Variants in XRCC3 observed in about 807,000 individuals in gnomAD.
XRCC3 encodes the protein DNA repair protein XRCC3.
In XRCC3, 34 loss-of-function variants were observed where a neutral mutation model predicts 29.2. That is an observed-to-expected ratio of 1.16 (90% CI 0.88 to 1.55). The LOEUF (loss-of-function observed/expected upper bound fraction) is 1.55, where lower values mean the gene tolerates loss of function less well. XRCC3 is among the 40% of genes most tolerant of loss of function. The probability of loss-of-function intolerance (pLI) is 0.00; values close to 1 mark genes in which losing one functional copy is unlikely to be tolerated. For synonymous variants in XRCC3, 223 were observed against 211.3 expected (o/e 1.06, Z -0.48); for missense variants, 463 against 467.6 (o/e 0.99, Z 0.09).
chr14:103,705,864 C>A, intron 6 of XRCC3: 1 of 169,080 alleles, frequency 5.9e-6, no homozygotes, highest in Non-Finnish European at 1.3e-5. Flanking sequence ...GCTCCCGTCC[C>A]GTTCCTGAGC....
chr14:103,707,844 T>G, intron 5 of XRCC3: 1 of 187,814 alleles, frequency 5.3e-6, no homozygotes, highest in Admixed American at 5.4e-5. Flanking sequence ...GCCCCTCCCT[T>G]GGAGTCTGCA....
chr14:103,706,645 G>A (rs2083447165), intron 6 of XRCC3: 1 of 397,310 alleles, frequency 2.5e-6, no homozygotes, highest in African/African-American at 2.1e-5. Flanking sequence ...CCCGGGGAAA[G>A]GCTGTGCTGC....
chr14:103,707,501 C>T (rs1340931431), intron 5 of XRCC3: 5 of 530,124 alleles, frequency 9.4e-6, no homozygotes, highest in African/African-American at 1.9e-5. Context: ...TCAGCCAAAG[C>T]TTCCAGAGAG....
In XRCC3 at chr14:103,698,380, G is replaced by A. The variant is rs1159001364; in HGVS notation, c.*418C>T. 14 of 249,732 alleles carry A rather than the reference G, an allele frequency of 5.6e-5. No homozygotes were observed. The highest frequency in any genetic ancestry group is 1.1e-4 in the African/African-American group (5 of 44,200). 15.5% of individuals were successfully genotyped at this position (249,732 alleles called of 1,614,324 possible). Reference sequence around the variant, plus strand: ...CAGGAGGGGAGACCCTCGTGGGCACGGTCCCAAGGCTGAGGGGGTCTGAGG... The same window carrying A: ...CAGGAGGGGAGACCCTCGTGGGCACAGTCCCAAGGCTGAGGGGGTCTGAGG... On this transcript the variant is annotated 3_prime_UTR_variant, in exon 10 of 10. Coordinates refer to ENST00000555055, the MANE Select transcript of XRCC3 (RefSeq NM_005432.4).
Position 103,703,276 on chromosome 14 carries a change from T to C in XRCC3, c.458A>G (p.Gln153Arg), listed in dbSNP as rs1473055112. Residue 153 changes from glutamine to arginine, a missense_variant, in exon 7 of 10, where the codon CAG (glutamine) becomes CGG (arginine). Physicochemically the swap from Gln to Arg is conservative, Grantham distance 43. Coordinates refer to ENST00000555055, the MANE Select transcript of XRCC3 (RefSeq NM_005432.4). ...EDAFPHKRLQ[Q>R]LMAQQPRLRT... ...CAGCCGCGGCTGCTGGGCCATGAGC[T>C]GCTGCAGGCGCTTGTGCGGGAAGGC... 4 of 1,558,916 alleles carry C rather than the reference T, an allele frequency of 2.6e-6. No individual in the cohort carries two copies. In the African/African-American group the frequency reaches 5.4e-5, roughly 21 times the overall value.
chr14:103,711,775 C>A (rs1406526301), intron 2 of XRCC3: 1 of 450,670 alleles, frequency 2.2e-6, no homozygotes. Flanking sequence ...CAGCTCTTCT[C>A]CCCTCCGGCC....
chr14:103,700,765 C>T (rs367611166), intron 7 of XRCC3: 8 of 1,505,888 alleles, frequency 5.3e-6, no homozygotes, highest in Non-Finnish European at 6.3e-6. Context: ...AAGCAGGCAG[C>T]TGGGCCAGGG....
intron 5 of XRCC3, chr14:103,708,097 T>C: frequency 9.3e-6 from 3 of 322,722 alleles, no homozygotes; most frequent in Non-Finnish European, 1.8e-5. Flanking sequence ...ACCTTGTCCG[T>C]CCAGGCGCAT....
intron 7 of XRCC3, 37 bp from the exon 8 acceptor site, chr14:103,699,613 A>C: frequency 1.2e-6 from 2 of 1,607,556 alleles, no homozygotes; most frequent in Non-Finnish European, 1.7e-6. Context: ...GCTGGTCAGC[A>C]AGTCCCCGCC....
In XRCC3 at chr14:103,708,768, G is replaced by A. The variant is rs552887296; in HGVS notation, c.56-109C>T. 196 of 1,432,934 alleles carry A rather than the reference G, an allele frequency of 1.4e-4. No homozygotes were observed. The African/African-American group carries it at 1.5e-3, about 11-fold the overall frequency. 88.8% of individuals were successfully genotyped at this position (1,432,934 alleles called of 1,614,324 possible). Reference sequence around the variant, plus strand: ...AGCACTGTGAGAGCACCGTGCTTCCGATTCTGGGGACAAGGTGGGTAGGGA... The same window carrying A: ...AGCACTGTGAGAGCACCGTGCTTCCAATTCTGGGGACAAGGTGGGTAGGGA... On this transcript the variant is annotated intron_variant, in intron 4 of 9. Coordinates refer to ENST00000555055, the MANE Select transcript of XRCC3 (RefSeq NM_005432.4).
intron 5 of XRCC3, chr14:103,707,558 C>T (rs2083478534): frequency 4.7e-6 from 2 of 428,476 alleles, no homozygotes; most frequent in South Asian, 4.2e-5. Context: ...AAAGGCACAG[C>T]TCTGTCCAGC....
At chr14:103,710,938 G>A in intron 4 of XRCC3, 95 bp downstream of exon 4, 1 of 1,288,710 alleles carries the variant, frequency 7.8e-7, no homozygotes, top group Non-Finnish European at 1.1e-6. Flanking sequence ...GTAGGCAAAG[G>A]AAGGAAGGCT....
intron 2 of XRCC3, chr14:103,712,002 T>C (rs1331587174): frequency 5.8e-6 from 2 of 345,074 alleles, no homozygotes; most frequent in Non-Finnish European, 5.7e-6. Context: ...GGGCGGGCCG[T>C]GGACTTGGAG....
chr14:103,710,987 T>C, intron 4 of XRCC3, 46 bp downstream of exon 4: 1 of 1,602,258 alleles, frequency 6.2e-7, no homozygotes, highest in South Asian at 1.1e-5. Context: ...TTATATAAAC[T>C]GCACACACCC....
rs750598578 is a variant in XRCC3, at chr14:103,711,094, G to A, written c.-7C>T. The A allele has an allele frequency of 3.3e-5, 54 of 1,613,960 alleles. No homozygotes were observed. Among genetic ancestry groups the A allele is most frequent in the Non-Finnish European group, 4.1e-5 (48 of 1,179,992 alleles). On this transcript the variant is annotated 5_prime_UTR_variant, in exon 4 of 10. An upstream open reading frame in the 5' UTR gains an earlier in-frame stop. Transcript: ENST00000555055. ...CCAGTAGATCCAAATCCATTTTGTC[G>A]GTGGGCTGGCCACCAGGATGAATAA...
At chr14:103,707,935 G>GT in intron 5 of XRCC3, 1 of 216,416 alleles carries the variant, frequency 4.6e-6, no homozygotes, top group Non-Finnish European at 9.4e-6. Flanking sequence ...ACAGCACCGT[G>GT]TGTGTGGCCG....
Position 103,699,738 on chromosome 14 carries a change from A to G in XRCC3, c.562-162T>C, listed in dbSNP as rs140803142. On this transcript the variant is annotated intron_variant, in intron 7 of 9. Coordinates refer to ENST00000555055, the MANE Select transcript of XRCC3 (RefSeq NM_005432.4). ...CCCCATACTCTGAGCCCAATTCTGT[A>G]TTTTTCTCAAAGAGGCCCCAACTAT... is the stretch of plus-strand genomic sequence containing the variant. 2.9e-4 allele frequency among the ~76,000 whole-genome samples: 44 copies of G among 151,908 alleles called. 1 individual carries two copies. Among genetic ancestry groups the G allele is most frequent in the African/African-American group, 8.5e-4 (35 of 41,400 alleles).
Position 103,710,995 on chromosome 14 carries a change from C to A in XRCC3, c.55+38G>T, listed in dbSNP as rs750792518. ...ACCTGCCTTATATAAACTGCACACA[C>A]CCACCCACACCCTTTATGTAAATAG... On this transcript the variant is annotated intron_variant, in intron 4 of 9. Transcript: ENST00000555055. The A allele has an allele frequency of 4.3e-5, 69 of 1,605,552 alleles. No individual in the cohort carries two copies. The East Asian group carries it at 1.5e-3, about 34-fold the overall frequency.
At chr14:103,705,980 G>A (rs2083421919) in intron 6 of XRCC3, 1 of 229,568 alleles carries the variant, frequency 4.4e-6, no homozygotes, top group African/African-American at 2.3e-5. Flanking sequence ...GCTGTCTCCA[G>A]GCTCATCCCC....
Sources: allele counts gnomAD v4.1 joint callset (sites outside exome capture counted in the v4.1 genomes callset), GRCh38; gene constraint gnomAD v4.1.1; transcripts MANE v1.5; gene names NCBI Gene and HGNC (gene_info 2026-07-23, HGNC 2026-07-21).